POLR1A: variants seen among roughly 807,000 people sequenced by gnomAD.
POLR1A encodes DNA-directed RNA polymerase I subunit RPA1.
A neutral mutation model predicts 205.3 loss-of-function variants in POLR1A; 84 were observed. The ratio of observed to expected loss-of-function variants is 0.41; its 90% CI spans 0.34 to 0.49. The LOEUF (loss-of-function observed/expected upper bound fraction) is 0.49, where lower values mean the gene tolerates loss of function less well. Among genes scored for constraint, POLR1A ranks in the 20% least tolerant of loss-of-function variants. The pLI is 0.22. For synonymous variants in POLR1A, 799 were observed against 863.7 expected, an observed-to-expected ratio of 0.93 and a Z score of 1.31; for missense variants, 1,645 against 2,204.5, an observed-to-expected ratio of 0.75 and a Z score of 5.08.
At position 86,023,381 on chromosome 2, in the gene POLR1A, A is replaced by G. The variant is rs996274748; in HGVS notation, c.*4042T>C. 1.3e-5 allele frequency: 2 copies of G among 152,216 alleles called. No individual in the cohort carries two copies. The highest frequency in any genetic ancestry group is 4.8e-5 in the African/African-American group (2 of 41,440). The allele number at this position is 152,216 out of a possible 1,614,324, so 9.4% of individuals were successfully genotyped here. On this transcript the variant is annotated 3_prime_UTR_variant, in exon 34 of 34. Transcript: ENST00000263857. ...AACGACCAGTCTTTTCTATTTCAAG[A>G]GCAGTCTGGACTCTGACAGCCCCTG...
At chr2:86,032,961 C>T (rs898304344) in intron 28 of POLR1A, among the ~76,000 whole-genome samples, 2 of 152,188 alleles carry the variant, frequency 1.3e-5, no homozygotes, top group African/African-American at 4.8e-5. Context: ...GCCAGCCCCT[C>T]ATTTTAGGGG....
At chr2:86,071,186 AC>A (rs1009373735) in intron 12 of POLR1A, among the ~76,000 whole-genome samples, 2 of 150,416 alleles carry the variant, frequency 1.3e-5, no homozygotes, top group African/African-American at 4.9e-5. Flanking sequence ...AAAAAAAAAA[AC>A]AATTTAAAAA....
intron 12 of POLR1A, among the ~76,000 whole-genome samples, chr2:86,073,893 C>T (rs1673226859): frequency 6.6e-6 from 1 of 152,232 alleles, no homozygotes; most frequent in Non-Finnish European, 1.5e-5. Context: ...ACACACCTTG[C>T]TTCTTTTTGC....
intron 14 of POLR1A, among the ~76,000 whole-genome samples, chr2:86,060,299 A>G (rs1249342800): frequency 6.6e-6 from 1 of 152,228 alleles, no homozygotes; most frequent in Admixed American, 6.5e-5. Context: ...GCACAGTGTG[A>G]AAGTTTACAA....
intron 14 of POLR1A, among the ~76,000 whole-genome samples, chr2:86,062,114 CCTAAG>C (rs1287882827): frequency 5.3e-5 from 8 of 152,136 alleles, no homozygotes; most frequent in African/African-American, 1.9e-4. Context: ...AAATAAACTT[CCTAAG>C]CTAAGTTCCT....
chr2:86,097,207 CAAAAGACAAAAA>C, intron 3 of POLR1A, among the ~76,000 whole-genome samples: 1 of 18,486 alleles, frequency 5.4e-5, no homozygotes, highest in African/African-American at 8.6e-5. Flanking sequence ...TGGCTATCCC[CAAAAGACAAAAA>C]AAAAAAAAAA....
rs1204244860 is a variant in POLR1A at position 86,054,144 on chromosome 2, G to A, written c.2204C>T (p.Ser735Phe). The change falls in exon 15 of 34, where the codon TCC (serine) becomes TTC (phenylalanine). Residue 735 changes from serine (S) to phenylalanine (F), a missense_variant. By Grantham distance (155) the Ser-to-Phe change is radical. Around this residue, in one of 16 missense-constraint regions of POLR1A, gnomAD observed 339 missense variants for 415.1 expected, o/e 0.82. Coordinates refer to ENST00000263857, the MANE Select transcript of POLR1A (RefSeq NM_015425.6). ...CACACAGCTGGACAGCCATACCTGG[G>A]ACTCGCACATCGAGTCAGGGTTAAA... is the stretch of plus-strand genomic sequence containing the variant. ...PGFNPDSMCE[S>F]QVIIREGELL... is the part of the protein sequence containing the mutation. The A allele has an allele frequency of 6.2e-7, 1 of 1,613,900 alleles. No homozygotes were observed. Among genetic ancestry groups the A allele is most frequent in the African/African-American group, 1.3e-5 (1 of 75,036 alleles).
At chr2:86,080,767 T>C (rs1322981914) in intron 9 of POLR1A, 49 bp downstream of exon 9, 16 of 1,526,010 alleles carry the variant, frequency 1.0e-5, no homozygotes, top group Non-Finnish European at 1.4e-5. Context: ...CTCACAGAGT[T>C]AGCACTAAGC....
intron 24 of POLR1A, 105 bp downstream of exon 24, chr2:86,041,783 AC>A: frequency 1.0e-6 from 1 of 967,998 alleles, no homozygotes; most frequent in South Asian, 1.4e-5. Context: ...GAAGTCTCAA[AC>A]CCAGGAGGCA....
Position 86,077,973 on chromosome 2 carries a change from C to T in POLR1A, c.1266G>A (p.Glu422=). Residue 422 remains glutamate, a synonymous_variant, in exon 11 of 34, where the codon GAG becomes GAA. Transcript: ENST00000263857. ...GTTTTCGGAACAGGCCTTCTTTCTTCTCCAGGATCTTTATGGAGAAAAAAG... is the reference window on the plus strand; with the variant it reads ...GTTTTCGGAACAGGCCTTCTTTCTTTTCCAGGATCTTTATGGAGAAAAAAG... ...DKYPGIRQIL[E]KKEGLFRKHM... is the part of the protein sequence containing the mutation. 1 of 1,614,148 alleles carries T rather than the reference C, an allele frequency of 6.2e-7. No individual in the cohort carries two copies. The highest frequency in any genetic ancestry group is 8.5e-7 in the Non-Finnish European group (1 of 1,180,012).
At position 86,077,504 on chromosome 2, in the gene POLR1A, A is replaced by G. The variant is rs950748982; in HGVS notation, c.1380+355T>C. Among the ~76,000 whole-genome samples the G allele has an allele frequency of 2.0e-5, 3 of 152,098 alleles. No homozygotes were observed. The East Asian group carries it at 5.8e-4, about 29-fold the overall frequency. ...CTTCCTCTCCCCTGTCATGTATTCA[A>G]TTTGGTGAGGAAGGTCAAAAGACTA... On this transcript the variant is annotated intron_variant, in intron 11 of 33. Transcript: ENST00000263857.
chr2:86,030,636 A>C (rs1558761203), intron 30 of POLR1A, among the ~76,000 whole-genome samples: 1 of 152,162 alleles, frequency 6.6e-6, no homozygotes, highest in South Asian at 2.1e-4. Flanking sequence ...TGTCGGTGAC[A>C]ACATTGAGAT....
chr2:86,081,041 C>G, intron 8 of POLR1A, 63 bp from the exon 9 acceptor site: 1 of 1,472,590 alleles, frequency 6.8e-7, no homozygotes, highest in Non-Finnish European at 9.3e-7. Flanking sequence ...GTTCTTCAGC[C>G]TCTCACCCAT....
chr2:86,053,085 C>T (rs530035796), intron 15 of POLR1A, 85 bp from the exon 16 acceptor site: 75 of 1,031,948 alleles, frequency 7.3e-5, no homozygotes, highest in African/African-American at 2.1e-4. Context: ...GTGTGACCCT[C>T]GTTGTGCAAG....
At chr2:86,103,006 T>G (rs1395453817) in intron 1 of POLR1A, among the ~76,000 whole-genome samples, 1 of 152,160 alleles carries the variant, frequency 6.6e-6, no homozygotes, top group African/African-American at 2.4e-5. Context: ...ATACCCAGAG[T>G]GCTCACTGTG....
Position 86,030,365 on chromosome 2 carries a change from T to G in POLR1A, c.4610A>C (p.Asn1537Thr). 1 of 1,614,088 alleles carries G rather than the reference T, an allele frequency of 6.2e-7. No individual in the cohort carries two copies. The highest frequency in any genetic ancestry group is 8.5e-7 in the Non-Finnish European group (1 of 1,179,966). The change falls in exon 31 of 34, where the codon AAC becomes ACC. Residue 1537 changes from asparagine (N) to threonine (T), a missense_variant. Asn to Thr is a moderately conservative substitution (Grantham distance 65). Coordinates refer to ENST00000263857, the MANE Select transcript of POLR1A (RefSeq NM_015425.6). Reference sequence around the variant, plus strand: ...TACTACCAGGGAGCTCATGTCAAAGTTGATCTTCATCAGAGGGAGCTTCAC... The same window carrying G: ...TACTACCAGGGAGCTCATGTCAAAGGTGATCTTCATCAGAGGGAGCTTCAC... ...VTVKLPLMKI[N>T]FDMSSLVVSL...
intron 1 of POLR1A, among the ~76,000 whole-genome samples, chr2:86,102,691 C>T (rs565880207): frequency 6.6e-6 from 1 of 152,288 alleles, no homozygotes; most frequent in Admixed American, 6.5e-5. Flanking sequence ...AATACAGTGT[C>T]AAACAAAGTT....
At chr2:86,049,917 T>TTTTTTG (rs1553434439) in intron 16 of POLR1A, among the ~76,000 whole-genome samples, 1 of 152,054 alleles carries the variant, frequency 6.6e-6, no homozygotes, top group African/African-American at 2.4e-5. Flanking sequence ...TAGTGTTTTT[T>TTTTTTG]TTTTTGTTTT....
intron 6 of POLR1A, among the ~76,000 whole-genome samples, chr2:86,084,101 A>G (rs760195609): frequency 8.5e-5 from 13 of 152,212 alleles, no homozygotes; most frequent in African/African-American, 1.7e-4. Context: ...CCGTGTCCCT[A>G]TGAAAAATAC....
Sources: allele counts gnomAD v4.1 joint callset (sites outside exome capture counted in the v4.1 genomes callset), GRCh38; gene constraint gnomAD v4.1.1; regional missense constraint gnomAD v4.1.1; transcripts MANE v1.5; gene names NCBI Gene and HGNC (gene_info 2026-07-23, HGNC 2026-07-21).